TXLNB: variants seen among roughly 807,000 people sequenced by gnomAD.
TXLNB encodes the protein beta-taxilin.
TXLNB carries 37 observed loss-of-function variants against 57.4 expected under a neutral mutation model. The observed-to-expected ratio is 0.64, with a 90% CI of 0.50 to 0.85. The LOEUF (loss-of-function observed/expected upper bound fraction) is 0.85, where lower values mean the gene tolerates loss of function less well. Ranked by LOEUF, TXLNB falls within the 40% of genes least tolerant of loss-of-function variation. TXLNB has a pLI of 0.00. For synonymous variants in TXLNB, 302 were observed against 309.6 expected (o/e 0.98, Z 0.26); for missense variants, 848 against 825.6 (o/e 1.03, Z -0.33).
At chr6:139,162,433 A>C in the TXLNB span, among the ~76,000 whole-genome samples, 16 of 152,218 alleles carry the variant, frequency 1.1e-4, no homozygotes, top group Non-Finnish European at 2.4e-4. Flanking sequence ...GGAAACTGAC[A>C]CAAAGAGAAG....
At chr6:139,285,300 ACACACC>A (rs1339209861) in intron 2 of TXLNB, among the ~76,000 whole-genome samples, 2 of 100,866 alleles carry the variant, frequency 2.0e-5, no homozygotes, top group Middle Eastern at 5.2e-3. Flanking sequence ...ACACACACAC[ACACACC>A]CCAATTCTTA....
chr6:139,175,617 G>C, the TXLNB span, among the ~76,000 whole-genome samples: 1 of 152,116 alleles, frequency 6.6e-6, no homozygotes, highest in East Asian at 1.9e-4. Flanking sequence ...CACTGGAAAG[G>C]ACCTGGGATC....
intron 4 of TXLNB, among the ~76,000 whole-genome samples, chr6:139,267,630 C>T (rs1405061126): frequency 6.6e-6 from 1 of 152,096 alleles, no homozygotes; most frequent in East Asian, 1.9e-4. Context: ...TATCAAACCA[C>T]ATCAGTAAGT....
chr6:139,181,520 G>A, the TXLNB span, among the ~76,000 whole-genome samples: 1 of 152,168 alleles, frequency 6.6e-6, no homozygotes, highest in Admixed American at 6.5e-5. Context: ...TGCGGTGCTT[G>A]TATTCAGGTC....
the TXLNB span, among the ~76,000 whole-genome samples, chr6:139,175,462 T>C: frequency 6.6e-6 from 1 of 152,230 alleles, no homozygotes; most frequent in African/African-American, 2.4e-5. Flanking sequence ...CATTTTATGA[T>C]AGTTATTGTG....
chr6:139,218,227 G>A, the TXLNB span, among the ~76,000 whole-genome samples: 3 of 152,146 alleles, frequency 2.0e-5, no homozygotes, highest in East Asian at 1.9e-4. Flanking sequence ...GTACAAGTAC[G>A]TTTGTATGTA....
chr6:139,317,682 T>C, the TXLNB span, among the ~76,000 whole-genome samples: 1 of 151,756 alleles, frequency 6.6e-6, no homozygotes. Flanking sequence ...TGAGCCACCA[T>C]GCCCGGCCAA....
chr6:139,206,508 A>T, the TXLNB span, among the ~76,000 whole-genome samples: 1 of 152,078 alleles, frequency 6.6e-6, no homozygotes, highest in Non-Finnish European at 1.5e-5. Flanking sequence ...CTCTACTAAA[A>T]ACACAAAAAA....
upstream of TXLNB, among the ~76,000 whole-genome samples, chr6:139,294,470 T>A (rs1777355278): frequency 6.6e-6 from 1 of 152,094 alleles, no homozygotes; most frequent in African/African-American, 2.4e-5. Flanking sequence ...AACCCCCAGG[T>A]GATGGTATGA....
chr6:139,220,805 C>T, the TXLNB span, among the ~76,000 whole-genome samples: 1 of 152,156 alleles, frequency 6.6e-6, no homozygotes, highest in Admixed American at 6.5e-5. Context: ...CAAACCTGGT[C>T]CTCCATAGCT....
In TXLNB at chr6:139,240,864, G is replaced by A. The variant is rs998058112; in HGVS notation, c.*1662C>T. Reference sequence around the variant, plus strand: ...TTGGCAAACAGCCACATGCAACATTGAAGAATGGTTTCCTGGATGAGTACT... The same window carrying A: ...TTGGCAAACAGCCACATGCAACATTAAAGAATGGTTTCCTGGATGAGTACT... On this transcript the variant is annotated 3_prime_UTR_variant, in exon 10 of 10. Coordinates refer to ENST00000358430, the MANE Select transcript of TXLNB (RefSeq NM_153235.4). 6.6e-6 allele frequency: 1 copy of A among 152,224 alleles called. No homozygotes were observed. Among genetic ancestry groups the A allele is most frequent in the African/African-American group, 2.4e-5 (1 of 41,466 alleles). 9.4% of individuals were successfully genotyped at this position (152,224 alleles called of 1,614,324 possible).
At chr6:139,273,248 T>TG (rs1776812251) in intron 3 of TXLNB, among the ~76,000 whole-genome samples, 1 of 152,164 alleles carries the variant, frequency 6.6e-6, no homozygotes, top group Non-Finnish European at 1.5e-5. Context: ...ACCTGCTATA[T>TG]GCCAGTAGCA....
the TXLNB span, among the ~76,000 whole-genome samples, chr6:139,305,601 T>C: frequency 6.6e-6 from 1 of 152,202 alleles, no homozygotes. Context: ...GTCAGAAAGA[T>C]ATTCACATAT....
the TXLNB span, among the ~76,000 whole-genome samples, chr6:139,163,052 C>T: frequency 6.6e-6 from 1 of 152,214 alleles, no homozygotes; most frequent in Admixed American, 6.5e-5. Flanking sequence ...CCCGCTGGAG[C>T]TGTTCTCCGT....
the TXLNB span, among the ~76,000 whole-genome samples, chr6:139,321,319 G>C: frequency 7.4e-3 from 1,126 of 152,226 alleles, 15 homozygotes; most frequent in African/African-American, 0.026. Flanking sequence ...TACAAAAGAG[G>C]CTCCAGAGAG....
chr6:139,301,182 T>C, the TXLNB span, among the ~76,000 whole-genome samples: 1 of 152,108 alleles, frequency 6.6e-6, no homozygotes, highest in Non-Finnish European at 1.5e-5. Context: ...CCAGAAACTA[T>C]GGCTAGGCGA....
At chr6:139,272,490 C>T (rs1254187961) in intron 3 of TXLNB, among the ~76,000 whole-genome samples, 1 of 152,094 alleles carries the variant, frequency 6.6e-6, no homozygotes, top group Non-Finnish European at 1.5e-5. Context: ...ATTCTATCTT[C>T]ATACTTATGT....
intron 3 of TXLNB, among the ~76,000 whole-genome samples, chr6:139,273,779 C>A (rs1266390668): frequency 6.6e-6 from 1 of 152,116 alleles, no homozygotes. Flanking sequence ...TAATATTAAG[C>A]CAGATAATAC....
At chr6:139,171,327 T>C in the TXLNB span, among the ~76,000 whole-genome samples, 25 of 152,166 alleles carry the variant, frequency 1.6e-4, no homozygotes, top group South Asian at 2.1e-4. Context: ...TAGGCCTGAG[T>C]ACTTGTGTGT....
Sources: allele counts gnomAD v4.1 joint callset (sites outside exome capture counted in the v4.1 genomes callset), GRCh38; gene constraint gnomAD v4.1.1; transcripts MANE v1.5; gene names NCBI Gene and HGNC (gene_info 2026-07-23, HGNC 2026-07-21).